The following CCDC148 variants were observed in gnomAD, a reference collection of about 807,000 sequenced individuals.
CCDC148 encodes coiled-coil domain containing 148.
CCDC148 carries 89 observed loss-of-function variants against 85.7 expected under a neutral mutation model. The ratio of observed to expected loss-of-function variants is 1.04; its 90% CI spans 0.87 to 1.24. The LOEUF (loss-of-function observed/expected upper bound fraction) is 1.24, where lower values mean the gene tolerates loss of function less well. Among genes scored for constraint, CCDC148 ranks in the 50% most tolerant of loss-of-function variants. CCDC148 has a pLI of 0.00. For missense variants in CCDC148, 692 were observed against 671.7 expected (o/e 1.03, Z -0.33); for synonymous variants, 230 against 213.9 (o/e 1.08, Z -0.66).
chr2:158,335,151 CCTGTCTTCAAAGG>C lies in CCDC148; in HGVS notation c.764+3562_764+3574del, dbSNP rs543261479. Among the ~76,000 whole-genome samples the C allele has an allele frequency of 1.3e-3, 196 of 152,234 alleles. 1 individual carries two copies. The highest frequency in any genetic ancestry group is 4.4e-3 in the African/African-American group (183 of 41,566). On this transcript the variant is annotated intron_variant, in intron 7 of 13. Transcript: ENST00000283233. ...TTCTCCAGGACTCCTGAGGCCCTGC[CCTGTCTTCAAAGG>C]CTGTCTTCCTTCGGTCACCAGATGA... is the stretch of plus-strand genomic sequence containing the variant.
chr2:158,191,467 G>A (rs1685419222), intron 11 of CCDC148, among the ~76,000 whole-genome samples: 1 of 151,962 alleles, frequency 6.6e-6, no homozygotes, highest in Admixed American at 6.6e-5. Context: ...CAGTGGAGCA[G>A]AACAGTTATT....
chr2:158,389,875 C>A (rs1273199497), intron 1 of CCDC148, among the ~76,000 whole-genome samples: 1 of 152,162 alleles, frequency 6.6e-6, no homozygotes, highest in Non-Finnish European at 1.5e-5. Context: ...TCAGGACAGG[C>A]TTTGCACTGG....
At chr2:158,262,405 G>A (rs1689269246) in intron 9 of CCDC148, among the ~76,000 whole-genome samples, 1 of 151,798 alleles carries the variant, frequency 6.6e-6, no homozygotes, top group South Asian at 2.1e-4. Context: ...ATAACTATAG[G>A]GTAGTTGGCT....
intron 1 of CCDC148, among the ~76,000 whole-genome samples, chr2:158,369,885 T>C (rs1008598161): frequency 2.0e-5 from 3 of 152,166 alleles, no homozygotes; most frequent in Admixed American, 6.6e-5. Context: ...CATGAAGGGA[T>C]GTTGAATTTT....
At chr2:158,429,811 C>T (rs1687257388) in intron 1 of CCDC148, among the ~76,000 whole-genome samples, 1 of 152,160 alleles carries the variant, frequency 6.6e-6, no homozygotes. Context: ...TGTCTGTGAT[C>T]ACTGAAGAAA....
intron 1 of CCDC148, among the ~76,000 whole-genome samples, chr2:158,451,654 C>T (rs1048725055): frequency 2.6e-5 from 4 of 151,746 alleles, no homozygotes; most frequent in Non-Finnish European, 4.4e-5. Flanking sequence ...AGGATGAGAA[C>T]AGATTGTTGA....
chr2:158,177,706 C>T (rs951378279), intron 12 of CCDC148, among the ~76,000 whole-genome samples: 6 of 152,106 alleles, frequency 3.9e-5, no homozygotes, highest in African/African-American at 1.4e-4. Flanking sequence ...GACTTACATT[C>T]CTATGCTTTA....
chr2:158,369,522 T>C (rs915144728), intron 1 of CCDC148, among the ~76,000 whole-genome samples: 10 of 152,192 alleles, frequency 6.6e-5, no homozygotes, highest in African/African-American at 2.4e-4. Context: ...AATGATTTTG[T>C]ATCCTGAGAC....
intron 2 of CCDC148, among the ~76,000 whole-genome samples, chr2:158,354,227 C>T (rs1211814539): frequency 1.3e-5 from 2 of 151,982 alleles, no homozygotes; most frequent in East Asian, 1.9e-4. Context: ...TAATGAAAAT[C>T]AGAGCAGAAC....
intron 10 of CCDC148, among the ~76,000 whole-genome samples, chr2:158,226,235 C>A (rs1687513545): frequency 6.6e-6 from 1 of 152,140 alleles, no homozygotes; most frequent in Non-Finnish European, 1.5e-5. Flanking sequence ...AACACATACA[C>A]CCTCCCAAGA....
chr2:158,424,900 C>A, intron 1 of CCDC148: 1 of 266,198 alleles, frequency 3.8e-6, no homozygotes, highest in Non-Finnish European at 7.5e-6. Flanking sequence ...GATGAAGAGC[C>A]AGTAACGAAA....
intron 9 of CCDC148, among the ~76,000 whole-genome samples, chr2:158,276,596 A>G (rs923944368): frequency 2.8e-5 from 4 of 141,778 alleles, no homozygotes; most frequent in African/African-American, 1.0e-4. Context: ...AAAACAAAAC[A>G]ACTGCCTCAT....
chr2:158,327,162 T>C (rs1464025839), intron 7 of CCDC148, among the ~76,000 whole-genome samples: 1 of 152,174 alleles, frequency 6.6e-6, no homozygotes, highest in African/African-American at 2.4e-5. Context: ...TGATATATTA[T>C]TGAGATTTAG....
intron 9 of CCDC148, among the ~76,000 whole-genome samples, chr2:158,277,422 A>T (rs1392965468): frequency 6.6e-6 from 1 of 152,180 alleles, no homozygotes; most frequent in African/African-American, 2.4e-5. Context: ...GTCAAGGAGA[A>T]TAATGATTGA....
chr2:158,386,207 G>A (rs1685081377), intron 1 of CCDC148, among the ~76,000 whole-genome samples: 1 of 152,078 alleles, frequency 6.6e-6, no homozygotes, highest in African/African-American at 2.4e-5. Context: ...GCTGCTATTA[G>A]TCTCATTTTT....
intron 1 of CCDC148, among the ~76,000 whole-genome samples, chr2:158,454,388 G>T (rs1688521261): frequency 6.6e-6 from 1 of 152,350 alleles, no homozygotes; most frequent in East Asian, 1.9e-4. Flanking sequence ...AATCCTGGTA[G>T]AGAGAAGATG....
chr2:158,339,050 A>C lies in CCDC148; in HGVS notation c.522T>G (p.Phe174Leu), dbSNP rs61746487. The C allele has an allele frequency of 6.2e-7, 1 of 1,613,830 alleles. No homozygotes were observed. The highest frequency in any genetic ancestry group is 8.5e-7 in the Non-Finnish European group (1 of 1,179,802). The part of the protein sequence containing the change: ...DFVKKQLKTV[F>L]ERLRLEQQRI... Reference sequence around the variant, plus strand: ...TCTGTTGCTCCAGCCTAAGTCTTTCAAAGACAGTTTTCAATTGTTTCTTCA... The same window carrying C: ...TCTGTTGCTCCAGCCTAAGTCTTTCCAAGACAGTTTTCAATTGTTTCTTCA... Residue 174 changes from phenylalanine to leucine, a missense_variant, in exon 6 of 14, where the codon TTT (phenylalanine) becomes TTG (leucine). Physicochemically the swap from Phe to Leu is conservative, Grantham distance 22. Coordinates refer to ENST00000283233, the MANE Select transcript of CCDC148 (RefSeq NM_138803.4).
chr2:158,271,042 A>C, intron 9 of CCDC148, among the ~76,000 whole-genome samples: 1 of 152,226 alleles, frequency 6.6e-6, no homozygotes, highest in Non-Finnish European at 1.5e-5. Flanking sequence ...ATAATTGTTT[A>C]GTTTTATAAC....
intron 7 of CCDC148, among the ~76,000 whole-genome samples, chr2:158,317,906 T>C (rs953063898): frequency 1.3e-5 from 2 of 152,200 alleles, no homozygotes; most frequent in African/African-American, 4.8e-5. Flanking sequence ...GAAAAACTCA[T>C]CTCTTAAAGC....
Sources: allele counts gnomAD v4.1 joint callset (sites outside exome capture counted in the v4.1 genomes callset), GRCh38; gene constraint gnomAD v4.1.1; transcripts MANE v1.5; gene names NCBI Gene and HGNC (gene_info 2026-07-23, HGNC 2026-07-21).